CSMD1: variants seen among roughly 807,000 people sequenced by gnomAD.
CSMD1 encodes the protein CUB and sushi domain-containing protein 1.
In CSMD1, 213 loss-of-function variants were observed where a neutral mutation model predicts 417.5. The ratio of observed to expected loss-of-function variants is 0.51; its 90% CI spans 0.46 to 0.57. CSMD1 has a LOEUF of 0.57. Among genes scored for constraint, CSMD1 ranks in the 20% least tolerant of loss-of-function variants. The probability of loss-of-function intolerance (pLI) is 0.00; values close to 1 mark genes in which losing one functional copy is unlikely to be tolerated. For missense variants in CSMD1, 6,923 were observed against 4,529.7 expected (o/e 1.53, Z -15.17); for synonymous variants, 2,862 against 1,736.8 (o/e 1.65, Z -16.11).
intron 3 of CSMD1, among the ~76,000 whole-genome samples, chr8:4,297,330 A>G (rs746410749): frequency 2.0e-4 from 30 of 152,168 alleles, no homozygotes; most frequent in Non-Finnish European, 2.8e-4. Flanking sequence ...TGTTTAATCC[A>G]AATCTAAAAA....
intron 2 of CSMD1, among the ~76,000 whole-genome samples, chr8:4,621,573 G>A (rs953005020): frequency 6.6e-6 from 1 of 151,948 alleles, no homozygotes; most frequent in Non-Finnish European, 1.5e-5. Context: ...ATTTCTAAAA[G>A]AAAACTCCAG....
intron 1 of CSMD1, among the ~76,000 whole-genome samples, chr8:4,640,209 ATT>A: frequency 6.6e-6 from 1 of 152,224 alleles, no homozygotes; most frequent in Admixed American, 6.5e-5. Flanking sequence ...CATTTGATCC[ATT>A]CATTGACATT....
intron 3 of CSMD1, among the ~76,000 whole-genome samples, chr8:4,157,053 T>G (rs1009936190): frequency 3.4e-4 from 52 of 152,180 alleles, no homozygotes; most frequent in African/African-American, 1.2e-3. Context: ...AAGGAGCCTG[T>G]AGACCAGAAC....
intron 1 of CSMD1, among the ~76,000 whole-genome samples, chr8:4,769,710 G>A (rs1040026427): frequency 6.6e-6 from 1 of 152,202 alleles, no homozygotes; most frequent in African/African-American, 2.4e-5. Flanking sequence ...TAGGAGGTGG[G>A]AAACGAAGTG....
chr8:4,855,395 C>T (rs1033220194), intron 1 of CSMD1, among the ~76,000 whole-genome samples: 16 of 152,100 alleles, frequency 1.1e-4, no homozygotes, highest in South Asian at 2.1e-4. Flanking sequence ...TCACCAGCAA[C>T]GGAACAAAGC....
At chr8:4,434,861 A>G (rs983321495) in intron 2 of CSMD1, among the ~76,000 whole-genome samples, 1 of 152,184 alleles carries the variant, frequency 6.6e-6, no homozygotes, top group African/African-American at 2.4e-5. Flanking sequence ...AACCGCAAGA[A>G]CAAACTACAT....
At chr8:3,424,446 T>A (rs947463413) in intron 12 of CSMD1, among the ~76,000 whole-genome samples, 3 of 152,254 alleles carry the variant, frequency 2.0e-5, no homozygotes, top group Non-Finnish European at 4.4e-5. Flanking sequence ...CTAGTCTGTG[T>A]ATTTATTCAC....
At chr8:4,043,330 AAATG>A (rs1797988177) in intron 3 of CSMD1, among the ~76,000 whole-genome samples, 1 of 152,186 alleles carries the variant, frequency 6.6e-6, no homozygotes, top group African/African-American at 2.4e-5. Context: ...GGAAAAAAGA[AAATG>A]AATGAGAAAT....
chr8:4,235,796 A>T (rs935278485), intron 3 of CSMD1, among the ~76,000 whole-genome samples: 1 of 152,104 alleles, frequency 6.6e-6, no homozygotes, highest in Admixed American at 6.5e-5. Flanking sequence ...TTTTTCTTTG[A>T]AACATTTGTT....
intron 2 of CSMD1, among the ~76,000 whole-genome samples, chr8:4,584,474 A>C (rs1419312228): frequency 6.6e-6 from 1 of 152,080 alleles, no homozygotes. Flanking sequence ...CGGACTAAAG[A>C]AACGGGTGTC....
chr8:4,820,342 AG>A (rs1306254253), intron 1 of CSMD1, among the ~76,000 whole-genome samples: 2 of 152,210 alleles, frequency 1.3e-5, no homozygotes, highest in Non-Finnish European at 2.9e-5. Context: ...CATTATAAAA[AG>A]GTAAGAATGA....
intron 3 of CSMD1, among the ~76,000 whole-genome samples, chr8:4,376,373 G>A (rs1375346036): frequency 6.6e-6 from 1 of 152,108 alleles, no homozygotes; most frequent in Non-Finnish European, 1.5e-5. Flanking sequence ...TACTTACTGT[G>A]AGTAACCATA....
intron 1 of CSMD1, among the ~76,000 whole-genome samples, chr8:4,977,701 G>C (rs1276847405): frequency 2.0e-5 from 3 of 152,196 alleles, no homozygotes; most frequent in Non-Finnish European, 4.4e-5. Flanking sequence ...CTCCTAAGGA[G>C]GTCCCATTTG....
At chr8:4,173,225 T>C (rs1797863079) in intron 3 of CSMD1, among the ~76,000 whole-genome samples, 1 of 152,148 alleles carries the variant, frequency 6.6e-6, no homozygotes, top group Admixed American at 6.5e-5. Flanking sequence ...CAATAACTCT[T>C]TAATGCAAGC....
At chr8:4,550,724 C>T (rs564014560) in intron 2 of CSMD1, among the ~76,000 whole-genome samples, 4 of 152,272 alleles carry the variant, frequency 2.6e-5, no homozygotes, top group African/African-American at 9.6e-5. Flanking sequence ...CACAGTGTCA[C>T]ATGTTTAAAA....
In CSMD1 at chr8:4,036,886, C is replaced by G. The variant is rs1311564793; in HGVS notation, c.416-4787G>C. Among the ~76,000 whole-genome samples, 16 of 152,202 alleles carry G rather than the reference C, an allele frequency of 1.1e-4. No homozygotes were observed. The East Asian group carries it at 3.1e-3, about 29-fold the overall frequency. On this transcript the variant is annotated intron_variant, in intron 3 of 69. Coordinates refer to ENST00000635120, the MANE Select transcript of CSMD1 (RefSeq NM_033225.6). ...AGGTATGTCCAGTTTCCTCCATATC[C>G]CAAAGATGACCATGTTTGCATGTTA...
chr8:4,612,719 G>A (rs1801247901), intron 2 of CSMD1, among the ~76,000 whole-genome samples: 1 of 152,156 alleles, frequency 6.6e-6, no homozygotes, highest in Non-Finnish European at 1.5e-5. Flanking sequence ...ATGGAGGCTG[G>A]TGGGTGTGTT....
intron 12 of CSMD1, among the ~76,000 whole-genome samples, chr8:3,452,528 T>C (rs983405042): frequency 2.6e-5 from 4 of 152,190 alleles, no homozygotes; most frequent in Non-Finnish European, 4.4e-5. Flanking sequence ...TAGCATGAAG[T>C]GTTGTTGAAT....
chr8:4,939,905 A>G (rs1451545463), intron 1 of CSMD1, among the ~76,000 whole-genome samples: 4 of 152,262 alleles, frequency 2.6e-5, no homozygotes, highest in African/African-American at 2.4e-5. Context: ...GTTGTGTACC[A>G]TAAATATATA....
Sources: allele counts gnomAD v4.1 joint callset (sites outside exome capture counted in the v4.1 genomes callset), GRCh38; gene constraint gnomAD v4.1.1; transcripts MANE v1.5; gene names NCBI Gene and HGNC (gene_info 2026-07-23, HGNC 2026-07-21).